Variants in NEK10 observed in about 807,000 individuals in gnomAD.
NEK10 encodes the protein serine/threonine-protein kinase Nek10.
A neutral mutation model predicts 159.8 loss-of-function variants in NEK10; 122 were observed. The ratio of observed to expected loss-of-function variants is 0.76; its 90% CI spans 0.66 to 0.89. The LOEUF (loss-of-function observed/expected upper bound fraction) is 0.89, where lower values mean the gene tolerates loss of function less well. Ranked by LOEUF, NEK10 falls within the 40% of genes least tolerant of loss-of-function variation. The probability of loss-of-function intolerance (pLI) is 0.00; values close to 1 mark genes in which losing one functional copy is unlikely to be tolerated. For synonymous variants in NEK10, 466 were observed against 457.1 expected (o/e 1.02, Z -0.25); for missense variants, 1,342 against 1,323.1 (o/e 1.01, Z -0.22).
At chr3:27,334,671 T>C (rs2046671657) in intron 5 of NEK10, among the ~76,000 whole-genome samples, 1 of 152,176 alleles carries the variant, frequency 6.6e-6, no homozygotes, top group Admixed American at 6.5e-5. Flanking sequence ...ACTGCACAAC[T>C]GTACTCACCC....
chr3:27,365,626 T>C (rs1474698189), intron 1 of NEK10, among the ~76,000 whole-genome samples: 12 of 144,152 alleles, frequency 8.3e-5, no homozygotes, highest in African/African-American at 3.1e-4. Flanking sequence ...TTTTTTTTTT[T>C]TTTTGAGATG....
chr3:27,193,515 T>C (rs921460862), intron 25 of NEK10, among the ~76,000 whole-genome samples: 1 of 151,164 alleles, frequency 6.6e-6, no homozygotes, highest in African/African-American at 2.4e-5. Context: ...CAGCAACACA[T>C]CCAATGCGGC....
At chr3:27,296,364 A>G (rs1575628049) in intron 14 of NEK10, among the ~76,000 whole-genome samples, 1 of 152,190 alleles carries the variant, frequency 6.6e-6, no homozygotes, top group Admixed American at 6.5e-5. Context: ...TGGATACATT[A>G]TTTTTTTAGA....
At chr3:27,139,515 C>A (rs142422460) in intron 31 of NEK10, among the ~76,000 whole-genome samples, 12 of 152,218 alleles carry the variant, frequency 7.9e-5, no homozygotes, top group African/African-American at 2.9e-4. Flanking sequence ...ATTTCAGCAG[C>A]AACCCAGAGA....
At chr3:27,341,638 G>A (rs1432288681) in intron 5 of NEK10, among the ~76,000 whole-genome samples, 2 of 152,076 alleles carry the variant, frequency 1.3e-5, no homozygotes, top group African/African-American at 4.8e-5. Context: ...TCTGACTCTG[G>A]ATTAACAAGT....
intron 22 of NEK10, among the ~76,000 whole-genome samples, chr3:27,260,289 T>C (rs2040284051): frequency 6.6e-6 from 1 of 152,210 alleles, no homozygotes; most frequent in Non-Finnish European, 1.5e-5. Flanking sequence ...GGCGTCCCTG[T>C]CTTGTGCCAG....
At position 27,282,962 on chromosome 3, in the gene NEK10, T is replaced by C. The variant is rs965501631; in HGVS notation, c.2014+1640A>G. On this transcript the variant is annotated intron_variant, in intron 22 of 35. Coordinates refer to ENST00000691995, the MANE Select transcript of NEK10 (RefSeq NM_001394966.1). ...AGCAAATGTGTGTCCAAGATAAAGA[T>C]TCACAGTTATTTTCTCTTTTTTTAT... is the stretch of plus-strand genomic sequence containing the variant. Among the ~76,000 whole-genome samples the C allele has an allele frequency of 6.6e-5, 10 of 152,184 alleles. No homozygotes were observed. In the South Asian group the frequency reaches 1.9e-3, roughly 28 times the overall value.
chr3:27,139,958 C>T (rs900505818), intron 31 of NEK10, among the ~76,000 whole-genome samples: 2 of 152,150 alleles, frequency 1.3e-5, no homozygotes, highest in African/African-American at 4.8e-5. Context: ...AGGTATGACA[C>T]CGAACGATAC....
intron 9 of NEK10, chr3:27,309,414 A>G (rs1349815628): frequency 6.6e-6 from 1 of 152,592 alleles, no homozygotes; most frequent in African/African-American, 2.4e-5. Flanking sequence ...AGTCAATATA[A>G]AAGTTTATCT....
rs9812263 is a variant in NEK10, at chr3:27,271,458, C to A, written c.2014+13144G>T. ...CATACAATTCTTGACCAACTTATAA[C>A]CAAAAATAATGCTTTGGCTTTTCTT... is the stretch of plus-strand genomic sequence containing the variant. On this transcript the variant is annotated intron_variant, in intron 22 of 35. Coordinates refer to ENST00000691995, the MANE Select transcript of NEK10 (RefSeq NM_001394966.1). Among the ~76,000 whole-genome samples, 820 of 152,198 alleles carry A rather than the reference C, an allele frequency of 5.4e-3. 9 individuals are homozygous for A. The highest frequency in any genetic ancestry group is 0.019 in the African/African-American group (783 of 41,524).
At chr3:27,314,829 G>T (rs2045026188) in intron 6 of NEK10, among the ~76,000 whole-genome samples, 1 of 152,144 alleles carries the variant, frequency 6.6e-6, no homozygotes, top group Admixed American at 6.5e-5. Flanking sequence ...GAACAGAAAT[G>T]CAGAATCCTG....
chr3:27,164,887 G>C lies in NEK10; in HGVS notation c.2832-2149C>G, dbSNP rs1258319346. 3.3e-5 allele frequency among the ~76,000 whole-genome samples: 5 copies of C among 152,212 alleles called. No homozygotes were observed. In the East Asian group the frequency reaches 9.6e-4, roughly 29 times the overall value. ...GCAAGATGACTATTCCAGATGTCCTGAAGAATCTAACGTTTCAAACATTTT... is the reference window on the plus strand; with the variant it reads ...GCAAGATGACTATTCCAGATGTCCTCAAGAATCTAACGTTTCAAACATTTT... On this transcript the variant is annotated intron_variant, in intron 29 of 35. Coordinates refer to ENST00000691995, the MANE Select transcript of NEK10 (RefSeq NM_001394966.1).
intron 35 of NEK10, among the ~76,000 whole-genome samples, chr3:27,114,657 C>T (rs1007219317): frequency 2.6e-5 from 4 of 152,108 alleles, no homozygotes; most frequent in South Asian, 2.1e-4. Flanking sequence ...TTTCTCTTCC[C>T]GTTGTTACTA....
chr3:27,180,443 G>A (rs1639588858), intron 26 of NEK10, among the ~76,000 whole-genome samples: 1 of 147,160 alleles, frequency 6.8e-6, no homozygotes, highest in South Asian at 2.3e-4. Flanking sequence ...GAGGGGAAGG[G>A]AGGGGAAGGG....
intron 26 of NEK10, among the ~76,000 whole-genome samples, chr3:27,182,400 G>A (rs995332578): frequency 6.6e-6 from 1 of 152,086 alleles, no homozygotes; most frequent in Non-Finnish European, 1.5e-5. Context: ...TCAAAACGGT[G>A]TGGTATTGGT....
intron 29 of NEK10, among the ~76,000 whole-genome samples, chr3:27,167,069 AGTGTCTCAAACCAGCCTGCCAACTATAC>A (rs1946550859): frequency 6.6e-6 from 1 of 152,192 alleles, no homozygotes; most frequent in South Asian, 2.1e-4. Flanking sequence ...ACAAACATCC[AGTGTCTCAAACCAGCCTGCCAACTATAC>A]CCTGTTGCCT....
Position 27,206,335 on chromosome 3 carries a change from G to T in NEK10, c.2091-3778C>A, listed in dbSNP as rs114060936. 4.9e-3 allele frequency among the ~76,000 whole-genome samples: 743 copies of T among 152,272 alleles called. 8 individuals are homozygous for T. The highest frequency in any genetic ancestry group is 0.017 in the African/African-American group (704 of 41,552). On this transcript the variant is annotated intron_variant, in intron 23 of 35. Coordinates refer to ENST00000691995, the MANE Select transcript of NEK10 (RefSeq NM_001394966.1). ...TTTCTAGTAAGGGACAGGAGGCAGA[G>T]AAGATATAAAATAAAACACAAGAAA...
chr3:27,291,608 C>T, intron 16 of NEK10, 22 bp from the exon 17 acceptor site: 2 of 1,302,128 alleles, frequency 1.5e-6, no homozygotes, highest in Non-Finnish European at 2.2e-6. Context: ...ATTACACACA[C>T]TTAAAGTAGA....
chr3:27,290,672 T>A lies in NEK10; in HGVS notation c.1688A>T (p.Asp563Val), dbSNP rs1396666943. The change falls in exon 19 of 36, where the codon GAT (aspartate) becomes GTT (valine). Residue 563 changes from aspartate (D) to valine (V), a missense_variant. Asp to Val is a radical substitution (Grantham distance 152). Coordinates refer to ENST00000691995, the MANE Select transcript of NEK10 (RefSeq NM_001394966.1). ...AATATTCCTTACGCTGCTGTCTCGA[T>A]CTTTCTTATCCTTTCCAAATGCTGG... ...HNPAFGKDKK[D>V]RDSSVRNIVS... 6.2e-7 allele frequency: 1 copy of A among 1,608,374 alleles called. No homozygotes were observed. Among genetic ancestry groups the A allele is most frequent in the East Asian group, 2.2e-5 (1 of 44,806 alleles).
Sources: gnomAD v4.1 joint callset for allele counts (sites outside exome capture counted in the v4.1 genomes callset) on GRCh38, gnomAD v4.1.1 for gene constraint, MANE v1.5 for transcripts, NCBI Gene and HGNC (gene_info 2026-07-23, HGNC 2026-07-21) for gene names.